Variants in NFATC1 observed in about 807,000 individuals in gnomAD.
The protein encoded by NFATC1 is nuclear factor of activated T cells 1, also known as nuclear factor of activated T-cells, cytoplasmic 1.
Under a neutral mutation model 76.0 loss-of-function variants are expected in NFATC1, and 22 were observed. The observed-to-expected ratio is 0.29, with a 90% CI of 0.21 to 0.41. The LOEUF (loss-of-function observed/expected upper bound fraction) is 0.41, where lower values mean the gene tolerates loss of function less well. Ranked by LOEUF, NFATC1 falls within the 10% of genes least tolerant of loss-of-function variation. The pLI, the probability that NFATC1 is intolerant of heterozygous loss-of-function variation, is 1.00. For missense variants in NFATC1, 1,357 were observed against 1,337.7 expected (o/e 1.01, Z -0.23); for synonymous variants, 704 against 613.1 (o/e 1.15, Z -2.19).
intron 8 of NFATC1, among the ~76,000 whole-genome samples, chr18:79,475,553 G>A (rs749124098): frequency 2.8e-4 from 42 of 150,574 alleles, no homozygotes; most frequent in Non-Finnish European, 4.7e-4. Flanking sequence ...TGAGTGAAGT[G>A]TGTTCTCACG....
At chr18:79,444,008 G>T (rs2087091448) in intron 3 of NFATC1, among the ~76,000 whole-genome samples, 1 of 152,252 alleles carries the variant, frequency 6.6e-6, no homozygotes, top group African/African-American at 2.4e-5. Context: ...TTCCCTTGGA[G>T]GGTTGAGGGA....
intron 8 of NFATC1, among the ~76,000 whole-genome samples, chr18:79,479,941 G>A (rs1481164384): frequency 6.6e-6 from 1 of 152,202 alleles, no homozygotes; most frequent in East Asian, 1.9e-4. Context: ...GCCAACCCCA[G>A]ACTTGAGCCA....
intron 8 of NFATC1, among the ~76,000 whole-genome samples, chr18:79,482,083 C>G (rs559038550): frequency 6.9e-6 from 1 of 145,720 alleles, no homozygotes; most frequent in Non-Finnish European, 1.5e-5. Context: ...TGACCTGGTT[C>G]CTGAGGTGTA....
At chr18:79,512,845 C>T (rs938980320) in intron 9 of NFATC1, among the ~76,000 whole-genome samples, 8 of 152,236 alleles carry the variant, frequency 5.3e-5, no homozygotes, top group Non-Finnish European at 1.2e-4. Context: ...CGGGGAGGCG[C>T]GCTGACGGCC....
intron 7 of NFATC1, 29 bp from the exon 8 acceptor site, chr18:79,467,421 T>A (rs1600828666): frequency 6.5e-7 from 1 of 1,546,308 alleles, no homozygotes; most frequent in Non-Finnish European, 8.7e-7. Context: ...CGGTGCTGAT[T>A]GTGCCTCCTG....
intron 8 of NFATC1, among the ~76,000 whole-genome samples, chr18:79,479,874 G>C (rs1272546636): frequency 1.3e-5 from 2 of 152,248 alleles, no homozygotes; most frequent in African/African-American, 4.8e-5. Context: ...GTGGGAGGCA[G>C]CCTCAGAGCA....
chr18:79,423,363 C>T (rs970421147), intron 2 of NFATC1, among the ~76,000 whole-genome samples: 2 of 152,342 alleles, frequency 1.3e-5, no homozygotes, highest in African/African-American at 4.8e-5. Flanking sequence ...CTGTGGCACT[C>T]CCTGTCTGGG....
intron 9 of NFATC1, among the ~76,000 whole-genome samples, chr18:79,505,971 G>C (rs1199773531): frequency 6.6e-6 from 1 of 152,172 alleles, no homozygotes; most frequent in East Asian, 1.9e-4. Flanking sequence ...CACCTGCAGT[G>C]ATGGTGGCAC....
rs566301733 is a variant in NFATC1 at position 79,405,150 on chromosome 18, C to T, written c.128-5253C>T. Among the ~76,000 whole-genome samples the T allele has an allele frequency of 5.3e-5, 8 of 152,308 alleles. No homozygotes were observed. The East Asian group carries it at 9.7e-4, about 18-fold the overall frequency. ...TGGGGCACCTGATGGCTGAGCGAGC[C>T]GGTGAGGATCAGGGGACTCAAAAGT... On this transcript the variant is annotated intron_variant, in intron 1 of 9. Coordinates refer to ENST00000427363, the MANE Select transcript of NFATC1 (RefSeq NM_001278669.2).
In NFATC1 at chr18:79,486,354, G is replaced by T; in HGVS notation, c.2199G>T (p.Gln733His). ...SPLPRPYYSQ[Q>H]LAMPPDPSSC... ...TCCCAAGACCATACTACAGCCAGCA[G>T]CTCGCGATGCCACCCGACCCCAGCT... The change falls in exon 9 of 10, where the codon CAG (glutamine) becomes CAT (histidine). Residue 733 changes from glutamine to histidine, a missense_variant. Around this residue, in one of 3 missense-constraint regions of NFATC1, gnomAD observed 424 missense variants for 395.4 expected, o/e 1.07. Transcript: ENST00000427363. 1.2e-6 allele frequency: 2 copies of T among 1,613,120 alleles called. No homozygotes were observed. The highest frequency in any genetic ancestry group is 1.6e-4 in the Middle Eastern group (1 of 6,062).
intron 9 of NFATC1, among the ~76,000 whole-genome samples, chr18:79,516,759 C>G (rs2090395402): frequency 6.6e-6 from 1 of 152,198 alleles, no homozygotes; most frequent in Admixed American, 6.5e-5. Context: ...CACACCGAAG[C>G]CACCTCTGCA....
chr18:79,449,180 T>C (rs11663202), intron 4 of NFATC1, among the ~76,000 whole-genome samples, 196 bp downstream of exon 4: 15,914 of 152,320 alleles, frequency 0.1, 1,120 homozygotes, highest in Non-Finnish European at 0.15. Flanking sequence ...GTTTCAGCCC[T>C]GTGTATATTG....
intron 9 of NFATC1, among the ~76,000 whole-genome samples, chr18:79,493,222 G>A (rs1035815767): frequency 5.9e-5 from 9 of 152,226 alleles, no homozygotes; most frequent in Admixed American, 1.3e-4. Context: ...AGGAGGCTCC[G>A]CTGGGGGCGG....
intron 9 of NFATC1, among the ~76,000 whole-genome samples, chr18:79,494,105 C>A (rs1168364338): frequency 2.0e-5 from 3 of 152,242 alleles, no homozygotes; most frequent in Non-Finnish European, 4.4e-5. Context: ...GTGGCTGAGG[C>A]TCAGACGTCG....
At chr18:79,415,052 A>C (rs750544278) in intron 2 of NFATC1, among the ~76,000 whole-genome samples, 5 of 152,162 alleles carry the variant, frequency 3.3e-5, no homozygotes, top group Non-Finnish European at 5.9e-5. Context: ...GCCACAGGCC[A>C]TGTGCGTCCA....
intron 9 of NFATC1, among the ~76,000 whole-genome samples, chr18:79,490,526 G>A (rs1222094023): frequency 6.6e-6 from 1 of 152,176 alleles, no homozygotes; most frequent in African/African-American, 2.4e-5. Flanking sequence ...CAGGCACCAG[G>A]CCATGGACTC....
chr18:79,486,765 C>G lies in NFATC1; in HGVS notation c.2610C>G (p.Pro870=), dbSNP rs575876469. Residue 870 remains proline, a synonymous_variant, in exon 9 of 10, where the codon CCC becomes CCG. Coordinates refer to ENST00000427363, the MANE Select transcript of NFATC1 (RefSeq NM_001278669.2). ...AGCCCTGCAGCCCAGCGTGCCCGCC[C>G]GCCACGGGCCGCCCGCAGCACCTGC... ...CLQPCSPACP[P]ATGRPQHLPS... 15 of 1,606,014 alleles carry G rather than the reference C, an allele frequency of 9.3e-6. No homozygotes were observed. In the African/African-American group the frequency reaches 1.9e-4, roughly 20 times the overall value.
chr18:79,400,457 G>T, intron 1 of NFATC1: 1 of 1,489,252 alleles, frequency 6.7e-7, no homozygotes. Context: ...AGCGCGACGA[G>T]GGCGCCGCCG....
intron 2 of NFATC1, chr18:79,422,602 G>T (rs1399567731): frequency 1.3e-5 from 2 of 152,284 alleles, no homozygotes; most frequent in African/African-American, 4.8e-5. Flanking sequence ...AGGGTGTACG[G>T]CATGGGGCCT....
Sources: allele counts gnomAD v4.1 joint callset (sites outside exome capture counted in the v4.1 genomes callset), GRCh38; gene constraint gnomAD v4.1.1; regional missense constraint gnomAD v4.1.1; transcripts MANE v1.5; gene names NCBI Gene and HGNC (gene_info 2026-07-23, HGNC 2026-07-21).